Variants in STON2 observed in about 807,000 individuals in gnomAD.
STON2 encodes the protein stonin 2.
A neutral mutation model predicts 65.7 loss-of-function variants in STON2; 29 were observed. The ratio of observed to expected loss-of-function variants is 0.44; its 90% CI spans 0.33 to 0.60. The LOEUF is 0.60. STON2 is among the 20% of genes least tolerant of loss of function. The probability of loss-of-function intolerance (pLI) is 0.03; values close to 1 mark genes in which losing one functional copy is unlikely to be tolerated. For missense variants in STON2, 1,054 were observed against 1,118.1 expected (o/e 0.94, Z 0.82); for synonymous variants, 404 against 414.2 (o/e 0.98, Z 0.30).
chr14:81,366,158 G>A (rs1898715564), intron 4 of STON2, among the ~76,000 whole-genome samples: 3 of 152,216 alleles, frequency 2.0e-5, no homozygotes, highest in Admixed American at 2.0e-4. Context: ...TTTAACCAAG[G>A]TAAGGGGATT....
chr14:81,278,763 G>C, intron 5 of STON2, 24 bp from the exon 6 acceptor site: 2 of 1,502,006 alleles, frequency 1.3e-6, no homozygotes, highest in South Asian at 1.4e-5. Flanking sequence ...GAGAACATAT[G>C]AGCTACTGTT....
chr14:81,271,981 C>T (rs535172190), intron 6 of STON2, among the ~76,000 whole-genome samples: 26 of 152,118 alleles, frequency 1.7e-4, no homozygotes, highest in African/African-American at 5.5e-4. Context: ...CTGAACCTAG[C>T]GGGAGGCCGA....
rs530474730 is a variant in STON2 at position 81,344,872 on chromosome 14, T to C, written c.572-20685A>G. ...TCCTTTCTTTGCAGTTTTTCTTTTA[T>C]GAACTAATGTAGTATTGACTTTTGA... On this transcript the variant is annotated intron_variant, in intron 4 of 7. Coordinates refer to ENST00000614646, the MANE Select transcript of STON2 (RefSeq NM_001394390.1). Among the ~76,000 whole-genome samples, 9 of 152,368 alleles carry C rather than the reference T, an allele frequency of 5.9e-5. No homozygotes were observed. The South Asian group carries it at 1.0e-3, about 18-fold the overall frequency.
chr14:81,268,602 T>C (rs1894449947), intron 7 of STON2, 105 bp from the exon 8 acceptor site: 1 of 1,257,332 alleles, frequency 8.0e-7, no homozygotes, highest in African/African-American at 1.6e-5. Context: ...TTCTTATAAT[T>C]TTGCTAACAT....
In STON2 at chr14:81,294,657, T is replaced by G. The variant is rs532529062; in HGVS notation, c.743-15918A>C. 2.0e-5 allele frequency among the ~76,000 whole-genome samples: 3 copies of G among 152,294 alleles called. No homozygotes were observed. The East Asian group carries it at 5.8e-4, about 29-fold the overall frequency. ...ATGATTATTCCTTAGAGTCCATGTA[T>G]CCCTGGGGAAGATCCTGGAAAGAGA... is the stretch of plus-strand genomic sequence containing the variant. On this transcript the variant is annotated intron_variant, in intron 5 of 7. Coordinates refer to ENST00000614646, the MANE Select transcript of STON2 (RefSeq NM_001394390.1).
intron 4 of STON2, among the ~76,000 whole-genome samples, chr14:81,346,062 G>C (rs1380806059): frequency 2.0e-5 from 3 of 152,178 alleles, no homozygotes; most frequent in African/African-American, 7.2e-5. Flanking sequence ...AGAGAAAGCT[G>C]CTCTTTTCCA....
At chr14:81,282,800 T>C (rs1895178015) in intron 5 of STON2, among the ~76,000 whole-genome samples, 1 of 152,210 alleles carries the variant, frequency 6.6e-6, no homozygotes. Flanking sequence ...ATAGTCTGTA[T>C]TGAGAAAGCA....
chr14:81,403,669 C>T (rs1391782144), upstream of STON2, among the ~76,000 whole-genome samples: 1 of 152,176 alleles, frequency 6.6e-6, no homozygotes, highest in Non-Finnish European at 1.5e-5. Context: ...TTACTGCCGG[C>T]TAGGTCCTAT....
chr14:81,320,192 G>C (rs1004499966), intron 5 of STON2, among the ~76,000 whole-genome samples: 3 of 151,712 alleles, frequency 2.0e-5, no homozygotes, highest in South Asian at 2.1e-4. Flanking sequence ...TCCAAGAGAC[G>C]CCAGATTCTA....
rs1894507787 is a variant in STON2 at position 81,270,015 on chromosome 14, C to T, written c.2784+655G>A. On this transcript the variant is annotated intron_variant, in intron 7 of 7. Coordinates refer to ENST00000614646, the MANE Select transcript of STON2 (RefSeq NM_001394390.1). The stretch of plus-strand genomic sequence containing the variant: ...ATGCTTTGGGATAGCATTTTCTCCC[C>T]TCCATTTCCAAGCTCACTACTCTGT... 5.1e-6 allele frequency: 5 copies of T among 984,676 alleles called. No individual in the cohort carries two copies. In the African/African-American group the frequency reaches 8.7e-5, roughly 17 times the overall value. 61.0% of individuals were successfully genotyped at this position (984,676 alleles called of 1,614,324 possible). A position where few individuals can be genotyped will look rare whatever the true frequency, so the allele number is the denominator to read the frequency against.
intron 2 of STON2, among the ~76,000 whole-genome samples, chr14:81,422,538 C>T (rs1335664511): frequency 1.3e-5 from 2 of 152,228 alleles, no homozygotes; most frequent in East Asian, 1.9e-4. Flanking sequence ...TATTTGTGTT[C>T]ATTCCAACTA....
Position 81,264,742 on chromosome 14 carries a change from T to G in STON2, c.*3672A>C, listed in dbSNP as rs944960185. 30 of 985,118 alleles carry G rather than the reference T, an allele frequency of 3.0e-5. No homozygotes were observed. Among genetic ancestry groups the G allele is most frequent in the African/African-American group, 3.5e-5 (2 of 57,202 alleles). 61.0% of individuals were successfully genotyped at this position (985,118 alleles called of 1,614,324 possible). On this transcript the variant is annotated 3_prime_UTR_variant, in exon 8 of 8. Transcript: ENST00000614646. ...AAGGCACAGTAAGGGAAGAGCCAAA[T>G]AGAAAAAATGAAACTGTCCAGATAA...
At chr14:81,328,532 G>C (rs1897082498) in intron 4 of STON2, among the ~76,000 whole-genome samples, 1 of 152,164 alleles carries the variant, frequency 6.6e-6, no homozygotes, top group Non-Finnish European at 1.5e-5. Flanking sequence ...GACTTGGCCT[G>C]AGGTGCTCTG....
chr14:81,373,830 G>A (rs1899118277), intron 3 of STON2, among the ~76,000 whole-genome samples: 1 of 151,544 alleles, frequency 6.6e-6, no homozygotes, highest in East Asian at 1.9e-4. Flanking sequence ...TGCATGAAGA[G>A]TAGAGGAAAA....
intron 5 of STON2, among the ~76,000 whole-genome samples, chr14:81,315,957 T>C (rs1896602956): frequency 6.6e-6 from 1 of 152,212 alleles, no homozygotes; most frequent in Non-Finnish European, 1.5e-5. Flanking sequence ...TATCTATCAG[T>C]TGGAGCAGAC....
intron 4 of STON2, among the ~76,000 whole-genome samples, chr14:81,350,779 T>A (rs111816542): frequency 3.9e-5 from 6 of 152,200 alleles, no homozygotes; most frequent in African/African-American, 1.4e-4. Context: ...TTGGGGTTAA[T>A]AAAGTAATAA....
intron 2 of STON2, among the ~76,000 whole-genome samples, chr14:81,409,226 G>A (rs12886101): frequency 0.41 from 62,899 of 151,688 alleles, 15,314 homozygotes; most frequent in Non-Finnish European, 0.55. Context: ...CCAACATGGT[G>A]AAACCTCGTC....
intron 5 of STON2, among the ~76,000 whole-genome samples, chr14:81,303,058 G>GT (rs770809413): frequency 0.043 from 5,981 of 140,086 alleles, 182 homozygotes; most frequent in Non-Finnish European, 0.051. Flanking sequence ...CATGTGTGGG[G>GT]GGTGTGTGTG....
chr14:81,300,349 T>C (rs562789043), intron 5 of STON2, among the ~76,000 whole-genome samples: 119 of 152,160 alleles, frequency 7.8e-4, no homozygotes, highest in Non-Finnish European at 1.4e-3. Context: ...GAGGAAAACA[T>C]AGAAAAATAT....
Sources: allele counts gnomAD v4.1 joint callset (sites outside exome capture counted in the v4.1 genomes callset), GRCh38; gene constraint gnomAD v4.1.1; transcripts MANE v1.5; gene names NCBI Gene and HGNC (gene_info 2026-07-23, HGNC 2026-07-21).